Variants in PIK3CD observed in about 807,000 individuals in gnomAD.
PIK3CD encodes the protein phosphatidylinositol 4,5-bisphosphate 3-kinase catalytic subunit delta isoform.
In PIK3CD, 20 loss-of-function variants were observed where a neutral mutation model predicts 122.9. The observed-to-expected ratio is 0.16, with a 90% CI of 0.11 to 0.24. The LOEUF is 0.24. PIK3CD is among the 10% of genes least tolerant of loss of function. PIK3CD has a pLI of 1.00. For synonymous variants in PIK3CD, 596 were observed against 593.4 expected, an observed-to-expected ratio of 1.00 and a Z score of -0.06; for missense variants, 787 against 1,406.3, an observed-to-expected ratio of 0.56 and a Z score of 7.04.
At chr1:9,691,649 C>A (rs1264121585) in intron 2 of PIK3CD, 78 bp downstream of exon 2, 1 of 397,422 alleles carries the variant, frequency 2.5e-6, no homozygotes, top group Admixed American at 4.4e-5. Context: ...AGAATGTGAA[C>A]AAACCCATCC....
intron 1 of PIK3CD, among the ~76,000 whole-genome samples, chr1:9,687,065 C>G (rs1312634107): frequency 6.6e-6 from 1 of 152,142 alleles, no homozygotes; most frequent in African/African-American, 2.4e-5. Flanking sequence ...TCTCTGGGCT[C>G]CAGAGACACC....
At chr1:9,641,210 G>T in the PIK3CD span, among the ~76,000 whole-genome samples, 16 of 152,312 alleles carry the variant, frequency 1.1e-4, no homozygotes, top group South Asian at 3.1e-3. Context: ...GGCACAGCTT[G>T]CTGCAAGATA....
rs1647939946 is a variant in PIK3CD, at chr1:9,718,567, T to C, written c.1021-127T>C. The C allele has an allele frequency of 3.4e-6, 3 of 895,100 alleles. No individual in the cohort carries two copies. The highest frequency in any genetic ancestry group is 5.3e-6 in the Non-Finnish European group (3 of 562,160). 55.4% of individuals were successfully genotyped at this position (895,100 alleles called of 1,614,324 possible). A position where few individuals can be genotyped will look rare whatever the true frequency, so the allele number is the denominator to read the frequency against. On this transcript the variant is annotated intron_variant, in intron 8 of 23. Transcript: ENST00000377346. The surrounding 1 kb of genome is among the most constrained non-coding windows in gnomAD (Gnocchi z 7.2). ...AGGCCTTCCCTGTGCTGCACCACCT[T>C]CCTTCGTGTGGGAAGTAGAGTTCAG...
the PIK3CD span, among the ~76,000 whole-genome samples, chr1:9,630,644 G>C: frequency 1.1e-3 from 168 of 152,296 alleles, no homozygotes; most frequent in Non-Finnish European, 1.9e-3. Context: ...TCGGGCAAGG[G>C]GGCCAAGGCA....
rs565136941 is a variant in PIK3CD at position 9,694,713 on chromosome 1, A to G, written c.-33+3142A>G. On this transcript the variant is annotated intron_variant, in intron 2 of 23. Transcript: ENST00000377346. The stretch of plus-strand genomic sequence containing the variant: ...TGTGGTGGCTCATGCCTGTAATCCC[A>G]GCACTTTGGGAGGCTGAGGCAGGAG... Among the ~76,000 whole-genome samples, 23 of 152,320 alleles carry G rather than the reference A, an allele frequency of 1.5e-4. No homozygotes were observed. The South Asian group carries it at 4.4e-3, about 29-fold the overall frequency.
At chr1:9,653,002 C>T (rs1570036136) in intron 1 of PIK3CD, 1 of 152,230 alleles carries the variant, frequency 6.6e-6, no homozygotes. Flanking sequence ...TCTTGAACCC[C>T]ACCAGACTCC....
the PIK3CD span, among the ~76,000 whole-genome samples, chr1:9,637,441 G>A: frequency 8.2e-3 from 1,242 of 152,242 alleles, 27 homozygotes; most frequent in Admixed American, 0.046. Context: ...ACTTGAGCCC[G>A]GGAGATCGAG....
intron 1 of PIK3CD, among the ~76,000 whole-genome samples, chr1:9,656,053 C>T (rs1644847267): frequency 6.6e-6 from 1 of 152,024 alleles, no homozygotes; most frequent in Non-Finnish European, 1.5e-5. Context: ...GTGGCATTTC[C>T]AAAGTGGTAT....
chr1:9,716,396 G>A (rs749589226), intron 5 of PIK3CD, 44 bp from the exon 6 acceptor site: 25 of 1,593,148 alleles, frequency 1.6e-5, no homozygotes, highest in Admixed American at 1.2e-4. Context: ...CCAGAACCCC[G>A]GGGGGCCTCG....
intron 3 of PIK3CD, among the ~76,000 whole-genome samples, chr1:9,714,067 G>C (rs780679586): frequency 3.3e-5 from 5 of 151,916 alleles, no homozygotes; most frequent in Non-Finnish European, 7.4e-5. Context: ...GCCCAGGCTG[G>C]CCGTGAACTC....
chr1:9,708,659 C>A (rs919440303), intron 2 of PIK3CD, among the ~76,000 whole-genome samples: 1 of 151,836 alleles, frequency 6.6e-6, no homozygotes, highest in South Asian at 2.1e-4. Flanking sequence ...ACCAACCTGG[C>A]CAACATGGTG....
Position 9,724,455 on chromosome 1 carries a change from G to GGT in PIK3CD, c.2864+38_2864+39dup, listed in dbSNP as rs568849273. On this transcript the variant is annotated intron_variant, in intron 22 of 23. Coordinates refer to ENST00000377346, the MANE Select transcript of PIK3CD (RefSeq NM_005026.5). This position sits in a 1 kb window ranked among gnomAD's most constrained non-coding sequence, Gnocchi z 7.3. ...GCCTGAGCCCCACCAGATGCCCCTC[G>GGT]GTGTGGGGCCCCAGGGAACAGGGCA... 6.2e-7 allele frequency: 1 copy of GGT among 1,613,234 alleles called. No homozygotes were observed. Among genetic ancestry groups the GGT allele is most frequent in the Admixed American group, 1.7e-5 (1 of 60,014 alleles).
chr1:9,712,947 G>C (rs578012641), intron 3 of PIK3CD, among the ~76,000 whole-genome samples: 1 of 152,040 alleles, frequency 6.6e-6, no homozygotes, highest in Non-Finnish European at 1.5e-5. Flanking sequence ...TTTGGGAGGC[G>C]GAAGCGGGTA....
rs1169230732 is a variant in PIK3CD at position 9,715,476 on chromosome 1, C to T, written c.142-65C>T. 57 of 1,452,414 alleles carry T rather than the reference C, an allele frequency of 3.9e-5. No homozygotes were observed. In the East Asian group the frequency reaches 1.0e-3, roughly 27 times the overall value. The allele number at this position is 1,452,414 out of a possible 1,614,324, so 90.0% of individuals were successfully genotyped here. On this transcript the variant is annotated intron_variant, in intron 3 of 23. Coordinates refer to ENST00000377346, the MANE Select transcript of PIK3CD (RefSeq NM_005026.5). The surrounding 1 kb of genome is among the most constrained non-coding windows in gnomAD (Gnocchi z 4.1). ...GGCTGGAGGCCAGCTCTCCACCCTC[C>T]CTCAGCCTCCCACCTCCCAGTGGCT... is the stretch of plus-strand genomic sequence containing the variant.
At chr1:9,692,452 T>C (rs140657608) in intron 2 of PIK3CD, among the ~76,000 whole-genome samples, 1,690 of 152,220 alleles carry the variant, frequency 0.011, 8 homozygotes, top group Non-Finnish European at 0.016. Context: ...ATAGGCCGGG[T>C]GCCGTGGCTC....
chr1:9,717,436 A>AC lies in PIK3CD; in HGVS notation c.931-98dup, dbSNP rs1647675082. On this transcript the variant is annotated intron_variant, in intron 7 of 23. Transcript: ENST00000377346. This position sits in a 1 kb window ranked among gnomAD's most constrained non-coding sequence, Gnocchi z 5.4. Reference sequence around the variant, plus strand: ...GCCCAAACCTGGCCGCAAACCTGTGACCCTCTCACCCGCCCCCAAGTGGTC... The same window carrying AC: ...GCCCAAACCTGGCCGCAAACCTGTGACCCCTCTCACCCGCCCCCAAGTGGTC... 4.3e-6 allele frequency: 5 copies of AC among 1,160,764 alleles called. No individual in the cohort carries two copies. Among genetic ancestry groups the AC allele is most frequent in the Non-Finnish European group, 5.2e-6 (4 of 772,636 alleles). The allele number at this position is 1,160,764 out of a possible 1,614,324, so 71.9% of individuals were successfully genotyped here. A position where few individuals can be genotyped will look rare whatever the true frequency, so the allele number is the denominator to read the frequency against.
chr1:9,638,491 G>A, the PIK3CD span, among the ~76,000 whole-genome samples: 1 of 152,006 alleles, frequency 6.6e-6, no homozygotes, highest in Non-Finnish European at 1.5e-5. Context: ...CCAGCACTTT[G>A]GGAGGCCGAG....
upstream of PIK3CD, among the ~76,000 whole-genome samples, chr1:9,648,799 C>A (rs1464129387): frequency 1.3e-5 from 2 of 152,216 alleles, no homozygotes; most frequent in Non-Finnish European, 2.9e-5. Context: ...CTGCAGCCTG[C>A]ATCTTAGAAA....
In PIK3CD at chr1:9,726,340, C is replaced by A. The variant is rs547814304; in HGVS notation, c.2998-569C>A. 3.6e-4 allele frequency among the ~76,000 whole-genome samples: 54 copies of A among 152,008 alleles called. 1 individual carries two copies. Among genetic ancestry groups the A allele is most frequent in the African/African-American group, 1.1e-3 (44 of 41,472 alleles). ...TGGCTAACACGGTGAAACCCCGTCT[C>A]TACTAAAAAATACAAAAAATTAGCC... On this transcript the variant is annotated intron_variant, in intron 23 of 23. Coordinates refer to ENST00000377346, the MANE Select transcript of PIK3CD (RefSeq NM_005026.5).
Sources: gnomAD v4.1 joint callset for allele counts (sites outside exome capture counted in the v4.1 genomes callset) on GRCh38, gnomAD v4.1.1 for gene constraint, Gnocchi (gnomAD v3.1) non-coding constraint, MANE v1.5 for transcripts, NCBI Gene and HGNC (gene_info 2026-07-23, HGNC 2026-07-21) for gene names.